Variants in IL1RAPL2 observed in about 807,000 individuals in gnomAD.
IL1RAPL2 encodes X-linked interleukin-1 receptor accessory protein-like 2.
Under a neutral mutation model 44.1 loss-of-function variants are expected in IL1RAPL2, and 3 were observed. The ratio of observed to expected loss-of-function variants is 0.07; its 90% CI spans 0.03 to 0.18. The LOEUF (loss-of-function observed/expected upper bound fraction) is 0.18. Ranked by LOEUF, IL1RAPL2 falls within the 10% of genes least tolerant of loss-of-function variation. The probability of loss-of-function intolerance (pLI) is 1.00; values close to 1 mark genes in which losing one functional copy is unlikely to be tolerated. For synonymous variants in IL1RAPL2, 181 were observed against 178.8 expected, an observed-to-expected ratio of 1.01 and a Z score of -0.10; for missense variants, 391 against 496.4, an observed-to-expected ratio of 0.79 and a Z score of 2.02.
At chrX:105,585,564 G>C (rs2037121428) in intron 6 of IL1RAPL2, among the ~76,000 whole-genome samples, 1 of 110,585 alleles carries the variant, frequency 9.0e-6, no homozygotes, top group Non-Finnish European at 1.9e-5. Flanking sequence ...CCCTCCCTGT[G>C]TCCATGTGTT....
chrX:105,407,015 C>G, intron 5 of IL1RAPL2: 2 of 1,018,595 alleles, frequency 2.0e-6, no homozygotes, highest in Non-Finnish European at 2.8e-6. Context: ...GAGATGCTGA[C>G]ACCACTACAC....
intron 2 of IL1RAPL2, among the ~76,000 whole-genome samples, chrX:104,703,881 G>A (rs1931320664): frequency 8.9e-6 from 1 of 112,162 alleles, no homozygotes; most frequent in South Asian, 3.7e-4. Context: ...CTGCCTGCTA[G>A]GATGTCAATC....
intron 5 of IL1RAPL2, among the ~76,000 whole-genome samples, chrX:105,466,414 C>T (rs1190229407): frequency 9.0e-6 from 1 of 111,321 alleles, no homozygotes; most frequent in African/African-American, 3.3e-5. Flanking sequence ...GATTATGTTT[C>T]AGGATGGCAG....
At chrX:105,220,333 T>A (rs1020450618) in intron 3 of IL1RAPL2, 13 of 1,206,321 alleles carry the variant, frequency 1.1e-5, no homozygotes, top group African/African-American at 3.5e-5. Context: ...CATTTTCTCG[T>A]TGATGAAGGC....
At chrX:105,100,703 T>A (rs2032661085) in intron 2 of IL1RAPL2, among the ~76,000 whole-genome samples, 1 of 111,724 alleles carries the variant, frequency 9.0e-6, no homozygotes, top group African/African-American at 3.3e-5. Context: ...CCTTAATGTC[T>A]ATTAATAATA....
chrX:105,596,351 T>G (rs2037210375), intron 6 of IL1RAPL2, among the ~76,000 whole-genome samples: 1 of 111,210 alleles, frequency 9.0e-6, no homozygotes, highest in South Asian at 3.7e-4. Flanking sequence ...TTTTTTTGTC[T>G]TGTCTCAAGA....
intron 6 of IL1RAPL2, among the ~76,000 whole-genome samples, chrX:105,601,062 G>C (rs1230904467): frequency 9.0e-6 from 1 of 111,364 alleles, no homozygotes; most frequent in Admixed American, 9.5e-5. Flanking sequence ...CCTGTTCTAT[G>C]AAGTGCATTT....
At chrX:104,724,226 T>C (rs1215196492) in intron 2 of IL1RAPL2, among the ~76,000 whole-genome samples, 1 of 111,135 alleles carries the variant, frequency 9.0e-6, no homozygotes, top group African/African-American at 3.3e-5. Context: ...TGATAAATAG[T>C]CTGAGGCAGT....
chrX:104,681,176 T>C (rs776239971), intron 2 of IL1RAPL2, among the ~76,000 whole-genome samples: 1 of 112,366 alleles, frequency 8.9e-6, no homozygotes, highest in East Asian at 2.8e-4. Context: ...CCCCCTCACA[T>C]ATAATACTCT....
chrX:105,684,159 G>A (rs1026525835), intron 6 of IL1RAPL2, among the ~76,000 whole-genome samples: 1 of 111,943 alleles, frequency 8.9e-6, no homozygotes, highest in Non-Finnish European at 1.9e-5. Flanking sequence ...TGAGGTACTT[G>A]GTTCATCTCA....
intron 6 of IL1RAPL2, among the ~76,000 whole-genome samples, chrX:105,590,074 A>G (rs1432201873): frequency 9.0e-6 from 1 of 111,053 alleles, no homozygotes; most frequent in Non-Finnish European, 1.9e-5. Flanking sequence ...TATAATTCTC[A>G]TTGTAGATAT....
chrX:105,446,883 T>C (rs1341886419), intron 5 of IL1RAPL2, among the ~76,000 whole-genome samples: 1 of 104,976 alleles, frequency 9.5e-6, no homozygotes, highest in African/African-American at 3.4e-5. Context: ...CTATCACCAG[T>C]GAGTTTTGTA....
At chrX:105,389,796 T>A (rs1474661542) in intron 5 of IL1RAPL2, among the ~76,000 whole-genome samples, 1 of 110,396 alleles carries the variant, frequency 9.1e-6, no homozygotes. Flanking sequence ...ACAAAAGAGG[T>A]TATTGCTAAC....
At chrX:105,513,714 T>G (rs2036489927) in intron 6 of IL1RAPL2, among the ~76,000 whole-genome samples, 1 of 111,511 alleles carries the variant, frequency 9.0e-6, no homozygotes, top group African/African-American at 3.3e-5. Flanking sequence ...TCTCATTCTA[T>G]GGGCTGCCTG....
At chrX:105,439,365 G>C (rs753682700) in intron 5 of IL1RAPL2, among the ~76,000 whole-genome samples, 1 of 110,611 alleles carries the variant, frequency 9.0e-6, no homozygotes, top group Non-Finnish European at 1.9e-5. Context: ...CTGTATGTTT[G>C]AGCCTAAAAG....
chrX:105,397,580 A>C (rs1487401039), intron 5 of IL1RAPL2, among the ~76,000 whole-genome samples: 4 of 111,912 alleles, frequency 3.6e-5, no homozygotes, highest in Non-Finnish European at 5.6e-5. Flanking sequence ...AATCTGAAAG[A>C]AAAAGTGAAT....
At chrX:105,475,200 G>T (rs1210258602) in intron 5 of IL1RAPL2, among the ~76,000 whole-genome samples, 1 of 111,308 alleles carries the variant, frequency 9.0e-6, no homozygotes. Flanking sequence ...AAGAAACTTG[G>T]GTTTGGGTCT....
chrX:104,816,601 A>C (rs1041650789), intron 2 of IL1RAPL2, among the ~76,000 whole-genome samples: 1 of 112,102 alleles, frequency 8.9e-6, no homozygotes, highest in Non-Finnish European at 1.9e-5. Flanking sequence ...TTGCACAATA[A>C]ATGCTTAGTT....
intron 4 of IL1RAPL2, among the ~76,000 whole-genome samples, chrX:105,259,180 G>C (rs993991641): frequency 9.8e-5 from 11 of 111,753 alleles, no homozygotes; most frequent in African/African-American, 3.3e-4. Context: ...GGTTTCAGAG[G>C]GGGGGTATGT....
Sources: gnomAD v4.1 joint callset for allele counts (sites outside exome capture counted in the v4.1 genomes callset) on GRCh38, gnomAD v4.1.1 for gene constraint, MANE v1.5 for transcripts, NCBI Gene and HGNC (gene_info 2026-07-23, HGNC 2026-07-21) for gene names.